Variants in IGSF10 observed in about 807,000 individuals in gnomAD.
The protein encoded by IGSF10 is calvaria mechanical force protein 608.
IGSF10 carries 126 observed loss-of-function variants against 128.2 expected under a neutral mutation model. That is an observed-to-expected ratio of 0.98 (90% CI 0.85 to 1.14). The LOEUF is 1.14. Ranked by LOEUF, IGSF10 falls within the 50% of genes most tolerant of loss-of-function variation. The pLI is 0.00. For missense variants in IGSF10, 3,295 were observed against 3,149.8 expected (o/e 1.05, Z -1.10); for synonymous variants, 1,185 against 1,146.2 (o/e 1.03, Z -0.68).
the IGSF10 span, among the ~76,000 whole-genome samples, chr3:151,504,653 AGC>A: frequency 7.5e-4 from 4 of 5,352 alleles, no homozygotes; most frequent in South Asian, 5.0e-3. Context: ...GCCTAAAGCT[AGC>A]TGACTATTTT....
At chr3:151,506,859 G>A in the IGSF10 span, among the ~76,000 whole-genome samples, 3,511 of 152,254 alleles carry the variant, frequency 0.023, 99 homozygotes, top group East Asian at 0.062. Context: ...ACAAATGAAC[G>A]TTCTTTGTGA....
the IGSF10 span, among the ~76,000 whole-genome samples, chr3:151,486,596 C>T: frequency 2.6e-5 from 4 of 152,134 alleles, no homozygotes; most frequent in South Asian, 2.1e-4. Flanking sequence ...TGCAAAAGAA[C>T]GGATATCATA....
chr3:151,591,853 A>G, the IGSF10 span, among the ~76,000 whole-genome samples: 1 of 152,164 alleles, frequency 6.6e-6, no homozygotes, highest in African/African-American at 2.4e-5. Context: ...AAATCCTGGA[A>G]ATATTTTGGC....
the IGSF10 span, among the ~76,000 whole-genome samples, chr3:151,491,319 G>A: frequency 2.0e-5 from 3 of 152,298 alleles, no homozygotes; most frequent in South Asian, 6.2e-4. Flanking sequence ...GCTCAAGCCT[G>A]TAATCCCAGC....
chr3:151,455,474 AT>A (rs68074441), intron 4 of IGSF10, among the ~76,000 whole-genome samples: 114,617 of 151,898 alleles, frequency 0.75, 43,417 homozygotes, highest in Middle Eastern at 0.95. Context: ...ATTAGCAGTC[AT>A]TTTTTCCTAT....
chr3:151,513,164 A>G, the IGSF10 span, among the ~76,000 whole-genome samples: 1,815 of 152,316 alleles, frequency 0.012, 91 homozygotes, highest in East Asian at 0.17. Context: ...ACAACAAAAA[A>G]AAGAGAATTT....
At chr3:151,433,554 A>T (rs148733805), downstream of IGSF10, 1 of 152,596 alleles carries the variant, frequency 6.6e-6, no homozygotes, top group Non-Finnish European at 1.5e-5. Context: ...ATCATTGATG[A>T]GAGTCATTGT....
rs1178232401 is a variant in IGSF10, at chr3:151,443,315, G to A, written c.5632C>T (p.Leu1878Phe). 1 of 1,614,164 alleles carries A rather than the reference G, an allele frequency of 6.2e-7. No homozygotes were observed. Among genetic ancestry groups the A allele is most frequent in the East Asian group, 2.2e-5 (1 of 44,888 alleles). ...GTPQPSVYWV[L>F]SDGTEVKPLQ... ...GGTTTCACTTCAGTGCCATCAGAGAGGACCCAGTAAACGCTGGGCTGAGGA... is the reference window on the plus strand; with the variant it reads ...GGTTTCACTTCAGTGCCATCAGAGAAGACCCAGTAAACGCTGGGCTGAGGA... The change falls in exon 7 of 8, where the codon CTC becomes TTC. Residue 1878 changes from leucine to phenylalanine, a missense_variant. Transcript: ENST00000282466.
At chr3:151,440,684 A>C (rs1720800116) in intron 7 of IGSF10, 20 of 449,208 alleles carry the variant, frequency 4.5e-5, no homozygotes, top group South Asian at 3.1e-4. Context: ...CTAAACATTA[A>C]AACACTTGTG....
At chr3:151,609,221 T>C in the IGSF10 span, among the ~76,000 whole-genome samples, 2 of 152,110 alleles carry the variant, frequency 1.3e-5, no homozygotes, top group Non-Finnish European at 2.9e-5. Context: ...GAATTTGACA[T>C]GCATGAGGAA....
At chr3:151,564,396 C>A in the IGSF10 span, among the ~76,000 whole-genome samples, 2 of 151,976 alleles carry the variant, frequency 1.3e-5, no homozygotes. Context: ...GCCAGCATGA[C>A]GTTTAAGAAT....
In IGSF10 at chr3:151,446,022, G is replaced by T; in HGVS notation, c.3959C>A (p.Ala1320Glu). The T allele has an allele frequency of 6.2e-7, 1 of 1,614,116 alleles. No homozygotes were observed. The highest frequency in any genetic ancestry group is 8.5e-7 in the Non-Finnish European group (1 of 1,180,028). ...AGATGCAGGGAAGGTAGGAGTTGTT[G>T]CTGGTATTGCTGTTTGCGTTGATAT... ...SIISTQTAIP[A>E]TTPTFPASVI... Residue 1320 changes from alanine (A) to glutamate (E), a missense_variant, in exon 6 of 8, where the codon GCA (alanine) becomes GAA (glutamate). By Grantham distance (107) the Ala-to-Glu change is moderately radical (BLOSUM62 -1). Transcript: ENST00000282466.
the IGSF10 span, among the ~76,000 whole-genome samples, chr3:151,550,014 T>A: frequency 6.6e-6 from 1 of 152,076 alleles, no homozygotes; most frequent in Non-Finnish European, 1.5e-5. Flanking sequence ...AATTAAAGGG[T>A]AAAATCCTGG....
At chr3:151,584,760 G>A in the IGSF10 span, among the ~76,000 whole-genome samples, 1,532 of 152,274 alleles carry the variant, frequency 0.01, 21 homozygotes, top group African/African-American at 0.034. Flanking sequence ...ACAGCCATGT[G>A]TCAGTTATTC....
the IGSF10 span, among the ~76,000 whole-genome samples, chr3:151,502,395 C>A: frequency 6.6e-6 from 1 of 151,822 alleles, no homozygotes. Flanking sequence ...AAGAAAAGAG[C>A]CTATGGAGTG....
the IGSF10 span, among the ~76,000 whole-genome samples, chr3:151,526,633 T>C: frequency 5.9e-5 from 9 of 152,286 alleles, no homozygotes; most frequent in African/African-American, 2.2e-4. Flanking sequence ...TAGGTTCTTC[T>C]AGTTCCTCTA....
At chr3:151,543,810 A>G in the IGSF10 span, among the ~76,000 whole-genome samples, 40 of 152,218 alleles carry the variant, frequency 2.6e-4, no homozygotes, top group Non-Finnish European at 5.0e-4. Flanking sequence ...TGATCAAAGC[A>G]TATCCATGTA....
chr3:151,536,720 C>G, the IGSF10 span, among the ~76,000 whole-genome samples: 1 of 152,142 alleles, frequency 6.6e-6, no homozygotes, highest in Non-Finnish European at 1.5e-5. Flanking sequence ...ATTTTGTTTT[C>G]TCTTTACTTT....
the IGSF10 span, among the ~76,000 whole-genome samples, chr3:151,503,960 G>A: frequency 1.3e-5 from 2 of 151,944 alleles, no homozygotes; most frequent in Admixed American, 6.6e-5. Flanking sequence ...CAGAATGAAG[G>A]GTCTCAAAAT....
Sources: gnomAD v4.1 joint callset for allele counts (sites outside exome capture counted in the v4.1 genomes callset) on GRCh38, gnomAD v4.1.1 for gene constraint, MANE v1.5 for transcripts, NCBI Gene and HGNC (gene_info 2026-07-23, HGNC 2026-07-21) for gene names.